The following SPECC1 variants were observed in gnomAD, a reference collection of about 807,000 sequenced individuals.
SPECC1 encodes sperm antigen with calponin homology and coiled-coil domains 1.
A neutral mutation model predicts 104.1 loss-of-function variants in SPECC1; 62 were observed. The ratio of observed to expected loss-of-function variants is 0.60; its 90% CI spans 0.49 to 0.74. The LOEUF is 0.74. Ranked by LOEUF, SPECC1 falls within the 30% of genes least tolerant of loss-of-function variation. SPECC1 has a pLI of 0.00. For synonymous variants in SPECC1, 513 were observed against 501.6 expected (o/e 1.02, Z -0.30); for missense variants, 1,306 against 1,310.5 (o/e 1.00, Z 0.05).
intron 5 of SPECC1, 58 bp from the exon 6 acceptor site, chr17:20,231,700 G>T (rs1386005121): frequency 1.7e-5 from 26 of 1,527,340 alleles, no homozygotes; most frequent in South Asian, 2.2e-5. Flanking sequence ...TACCTAGCGT[G>T]TCTTCTCTTA....
chr17:20,257,961 T>G (rs2039893648), intron 11 of SPECC1, among the ~76,000 whole-genome samples: 1 of 152,218 alleles, frequency 6.6e-6, no homozygotes, highest in Non-Finnish European at 1.5e-5. Flanking sequence ...GTCATGTGTC[T>G]GAACTAGTCT....
At chr17:20,248,080 C>G (rs1404927122) in intron 9 of SPECC1, among the ~76,000 whole-genome samples, 1 of 152,192 alleles carries the variant, frequency 6.6e-6, no homozygotes, top group African/African-American at 2.4e-5. Flanking sequence ...CAGGTGCAGT[C>G]CATGCCAGAA....
chr17:20,245,630 A>C (rs1047688950), intron 7 of SPECC1, among the ~76,000 whole-genome samples: 7 of 152,190 alleles, frequency 4.6e-5, no homozygotes, highest in Non-Finnish European at 1.0e-4. Context: ...CAAAAAATGC[A>C]CAATTTGCAG....
chr17:20,045,307 C>T (rs1284234760), intron 1 of SPECC1, among the ~76,000 whole-genome samples: 1 of 152,152 alleles, frequency 6.6e-6, no homozygotes, highest in East Asian at 1.9e-4. Context: ...GGTACATACC[C>T]TCATGTACCC....
intron 14 of SPECC1, among the ~76,000 whole-genome samples, chr17:20,308,976 A>G (rs756810338): frequency 1.2e-4 from 18 of 152,162 alleles, no homozygotes; most frequent in African/African-American, 3.6e-4. Flanking sequence ...TTTTCATCTA[A>G]TGTGCTATAG....
intron 1 of SPECC1, among the ~76,000 whole-genome samples, chr17:20,050,729 G>A (rs1226262526): frequency 1.3e-5 from 2 of 152,168 alleles, no homozygotes; most frequent in African/African-American, 2.4e-5. Context: ...ATTGTCAGAG[G>A]ACAGTAGGAT....
intron 6 of SPECC1, 34 bp downstream of exon 6, chr17:20,231,865 T>A: frequency 6.3e-7 from 1 of 1,598,368 alleles, no homozygotes; most frequent in African/African-American, 1.3e-5. Flanking sequence ...ACCACCATCT[T>A]CCTATGAATT....
chr17:20,211,805 G>C (rs1310094701), intron 4 of SPECC1, among the ~76,000 whole-genome samples: 1 of 152,218 alleles, frequency 6.6e-6, no homozygotes, highest in Non-Finnish European at 1.5e-5. Flanking sequence ...TCCACAGGGG[G>C]CTGCTTCCCA....
intron 4 of SPECC1, among the ~76,000 whole-genome samples, chr17:20,207,557 T>A (rs2036867803): frequency 6.6e-6 from 1 of 152,230 alleles, no homozygotes; most frequent in Non-Finnish European, 1.5e-5. Context: ...AATGTGCATA[T>A]CAGTGAGAAA....
At chr17:20,298,921 A>AAGAGAGAGAGGG (rs1555535543) in intron 13 of SPECC1, among the ~76,000 whole-genome samples, 8 of 72,758 alleles carry the variant, frequency 1.1e-4, no homozygotes, top group African/African-American at 5.3e-4. Context: ...GCAGAACCAA[A>AAGAGAGAGAGGG]AGAGAGAGAG....
Position 20,172,631 on chromosome 17 carries a change from C to T in SPECC1, c.284-31702C>T, listed in dbSNP as rs115290193. On this transcript the variant is annotated intron_variant, in intron 3 of 14. Transcript: ENST00000395527. The stretch of plus-strand genomic sequence containing the variant: ...GGAGGACGTGAGATGGGAGGGGCAG[C>T]CAGGTGCTGGGAGGGTTGGGAGAGA... 2.1e-3 allele frequency among the ~76,000 whole-genome samples: 324 copies of T among 152,178 alleles called. 1 individual carries two copies. Among genetic ancestry groups the T allele is most frequent in the African/African-American group, 6.4e-3 (264 of 41,522 alleles).
chr17:20,239,891 T>G (rs1339133203), intron 7 of SPECC1, among the ~76,000 whole-genome samples: 7 of 127,750 alleles, frequency 5.5e-5, no homozygotes, highest in African/African-American at 1.8e-4. Context: ...TTTTTTTTTT[T>G]TTTTTTTTTT....
intron 10 of SPECC1, among the ~76,000 whole-genome samples, chr17:20,255,747 G>A (rs948354362): frequency 6.6e-6 from 1 of 152,096 alleles, no homozygotes; most frequent in South Asian, 2.1e-4. Flanking sequence ...AAAATTTTGT[G>A]GGGGGATAGA....
chr17:20,167,875 T>A (rs774403122), intron 3 of SPECC1, among the ~76,000 whole-genome samples: 4 of 152,196 alleles, frequency 2.6e-5, no homozygotes, highest in Non-Finnish European at 5.9e-5. Flanking sequence ...ATTTAATAAT[T>A]AACATATGCT....
intron 3 of SPECC1, chr17:20,156,260 C>A: frequency 7.5e-7 from 1 of 1,327,868 alleles, no homozygotes; most frequent in Non-Finnish European, 9.6e-7. Context: ...GCGGGGGTCG[C>A]GCCGCAGCCG....
At chr17:20,179,233 C>T (rs1415459334) in intron 3 of SPECC1, among the ~76,000 whole-genome samples, 1 of 152,258 alleles carries the variant, frequency 6.6e-6, no homozygotes, top group African/African-American at 2.4e-5. Context: ...CCGGATGCTG[C>T]TGCTGTGTTC....
Position 20,298,948 on chromosome 17 carries a change from A to AGAGTGTGTGTGTGTGTGTGTGT in SPECC1, c.3057+1872_3057+1873insAGTGTGTGTGTGTGTGTGTGTG. Among the ~76,000 whole-genome samples the AGAGTGTGTGTGTGTGTGTGTGT allele has an allele frequency of 2.0e-3, 96 of 49,042 alleles. 1 individual carries two copies. The highest frequency in any genetic ancestry group is 7.1e-3 in the African/African-American group (76 of 10,766). The allele number at this position is 49,042 out of a possible 152,430, so 32.2% of individuals were successfully genotyped here. The stretch of plus-strand genomic sequence containing the variant: ...GAGAGAGAGAGAGAGAGAGAGAGAG[A>AGAGTGTGTGTGTGTGTGTGTGT]GTGTGTGTGTGTGTGTGTGTGTGTA... On this transcript the variant is annotated intron_variant, in intron 13 of 14. Transcript: ENST00000395527.
At chr17:20,224,460 G>T (rs2038088372) in intron 4 of SPECC1, among the ~76,000 whole-genome samples, 1 of 152,194 alleles carries the variant, frequency 6.6e-6, no homozygotes, top group South Asian at 2.1e-4. Context: ...CCCAGAGTGG[G>T]TCTAGAAATG....
At chr17:20,214,483 T>C (rs1205212109) in intron 4 of SPECC1, among the ~76,000 whole-genome samples, 1 of 152,122 alleles carries the variant, frequency 6.6e-6, no homozygotes, top group Non-Finnish European at 1.5e-5. Context: ...GGTGGGAAGA[T>C]GAGGGCTGGA....
Sources: allele counts gnomAD v4.1 joint callset (sites outside exome capture counted in the v4.1 genomes callset), GRCh38; gene constraint gnomAD v4.1.1; transcripts MANE v1.5; gene names NCBI Gene and HGNC (gene_info 2026-07-23, HGNC 2026-07-21).